MYO16: variants seen among roughly 807,000 people sequenced by gnomAD.
MYO16 encodes myosin XVI.
Under a neutral mutation model 205.3 loss-of-function variants are expected in MYO16, and 94 were observed. That is an observed-to-expected ratio of 0.46 (90% CI 0.39 to 0.54). The LOEUF (loss-of-function observed/expected upper bound fraction) is 0.54. MYO16 is among the 20% of genes least tolerant of loss of function. The pLI is 0.00. For missense variants in MYO16, 2,315 were observed against 2,387.5 expected (o/e 0.97, Z 0.63); for synonymous variants, 988 against 954.0 (o/e 1.04, Z -0.66).
At chr13:108,590,832 C>T in the MYO16 span, among the ~76,000 whole-genome samples, 2 of 152,240 alleles carry the variant, frequency 1.3e-5, no homozygotes, top group Admixed American at 1.3e-4. Flanking sequence ...TCCTTACAGC[C>T]TTCAGAAGGA....
chr13:108,615,572 A>G (rs981332880), intron 1 of MYO16, among the ~76,000 whole-genome samples: 1 of 152,166 alleles, frequency 6.6e-6, no homozygotes, highest in African/African-American at 2.4e-5. Context: ...TACTGAAAGA[A>G]ACAAACAAAA....
At chr13:109,098,578 C>G (rs9559495) in intron 27 of MYO16, among the ~76,000 whole-genome samples, 76,455 of 151,970 alleles carry the variant, frequency 0.5, 19,301 homozygotes, top group Middle Eastern at 0.55. Context: ...TCCTGTTGAC[C>G]AATACCGGCT....
At chr13:108,723,852 T>A (rs970394373) in intron 3 of MYO16, among the ~76,000 whole-genome samples, 19 of 151,196 alleles carry the variant, frequency 1.3e-4, no homozygotes, top group African/African-American at 4.4e-4. Context: ...TCAATATCTA[T>A]AAAAAAAAAC....
intron 33 of MYO16, among the ~76,000 whole-genome samples, chr13:109,170,096 A>T (rs1391273273): frequency 6.6e-6 from 1 of 150,648 alleles, no homozygotes; most frequent in Non-Finnish European, 1.5e-5. Context: ...GGGCTTGTTA[A>T]GCAAGACACA....
chr13:109,022,705 TTATATATACGCATATAAACATATG>T (rs1886116630), intron 23 of MYO16, among the ~76,000 whole-genome samples: 1 of 103,128 alleles, frequency 9.7e-6, no homozygotes, highest in African/African-American at 3.4e-5. Flanking sequence ...TATTTATATA[TTATATATACGCATATAAACATATG>T]TATATATTAT....
intron 9 of MYO16, among the ~76,000 whole-genome samples, chr13:108,840,673 G>A (rs1877197206): frequency 6.6e-6 from 1 of 152,136 alleles, no homozygotes; most frequent in Non-Finnish European, 1.5e-5. Flanking sequence ...GAGTAGCTGG[G>A]ACTACAGGCA....
At position 108,898,095 on chromosome 13, in the gene MYO16, A is replaced by T; in HGVS notation, c.1739A>T (p.Glu580Val). 1 of 1,613,870 alleles carries T rather than the reference A, an allele frequency of 6.2e-7. No homozygotes were observed. The highest frequency in any genetic ancestry group is 8.5e-7 in the Non-Finnish European group (1 of 1,179,766). ...TCCAGTTGCTTCATCAAGTATTTTG[A>T]ACTGCAGTTCTGTGAGAGGAAACAA... ...DLSSCFIKYF[E>V]LQFCERKQQL... is the part of the protein sequence containing the mutation. Residue 580 changes from glutamate to valine, a missense_variant, in exon 15 of 35, where the codon GAA becomes GTA. Around this residue, in one of 3 missense-constraint regions of MYO16, gnomAD observed 1,213 missense variants for 1,274.4 expected, o/e 0.95. Coordinates refer to ENST00000457511, the MANE Select transcript of MYO16 (RefSeq NM_001198950.3).
chr13:108,774,113 AAAAT>A (rs1886055035), intron 4 of MYO16, among the ~76,000 whole-genome samples: 1 of 102,232 alleles, frequency 9.8e-6, no homozygotes, highest in Admixed American at 9.8e-5. Context: ...AAATAACAAT[AAAAT>A]AAAATAAAAT....
chr13:108,910,185 G>A, intron 16 of MYO16, 35 bp downstream of exon 16: 1 of 1,587,382 alleles, frequency 6.3e-7, no homozygotes, highest in Middle Eastern at 1.7e-4. Context: ...TAAAAGCTAT[G>A]CCTTCAAATT....
intron 33 of MYO16, chr13:109,167,288 T>C (rs1395811895): frequency 2.0e-5 from 3 of 151,956 alleles, no homozygotes; most frequent in African/African-American, 7.3e-5. Flanking sequence ...CAGGCTGAAC[T>C]AGCACATGGA....
In MYO16 at chr13:109,140,705, G is replaced by C. The variant is rs1877022949; in HGVS notation, c.4493G>C (p.Cys1498Ser). Residue 1498 changes from cysteine (C) to serine (S), a missense_variant, in exon 32 of 35, where the codon TGC (cysteine) becomes TCC (serine). By Grantham distance (112) the Cys-to-Ser change is moderately radical. Transcript: ENST00000457511. This position sits in a 1 kb window ranked among gnomAD's most constrained non-coding sequence, Gnocchi z 8.0. ...DEAAGPPGDA[C>S]DIPPPFPNLL... ...GCGGCGGGGCCCCCAGGGGACGCGT[G>C]CGACATCCCGCCGCCCTTCCCCAAC... 1 of 1,487,780 alleles carries C rather than the reference G, an allele frequency of 6.7e-7. No homozygotes were observed. Among genetic ancestry groups the C allele is most frequent in the Non-Finnish European group, 8.9e-7 (1 of 1,120,712 alleles). The allele number at this position is 1,487,780 out of a possible 1,614,324, so 92.2% of individuals were successfully genotyped here.
chr13:109,051,715 A>G (rs1566482175), intron 24 of MYO16, among the ~76,000 whole-genome samples: 1 of 152,190 alleles, frequency 6.6e-6, no homozygotes, highest in Non-Finnish European at 1.5e-5. Context: ...ACATGAAAAT[A>G]TATCATTTTG....
At chr13:109,009,128 A>G (rs1885507245) in intron 22 of MYO16, 79 bp downstream of exon 22, 1 of 1,220,362 alleles carries the variant, frequency 8.2e-7, no homozygotes, top group Admixed American at 2.8e-5. Flanking sequence ...TTCTTTCAGG[A>G]CGCCTTATTT....
intron 4 of MYO16, among the ~76,000 whole-genome samples, chr13:108,753,893 A>G (rs1307726217): frequency 6.6e-6 from 1 of 152,252 alleles, no homozygotes; most frequent in Non-Finnish European, 1.5e-5. Context: ...TACTTTGAGG[A>G]TTTGGCTGAT....
chr13:109,061,546 G>A (rs1268713199), intron 27 of MYO16, among the ~76,000 whole-genome samples: 1 of 152,118 alleles, frequency 6.6e-6, no homozygotes, highest in African/African-American at 2.4e-5. Flanking sequence ...AGAGAGAGGT[G>A]GGGGAACACT....
chr13:108,997,387 AG>A (rs1885059484), intron 21 of MYO16, among the ~76,000 whole-genome samples: 1 of 101,714 alleles, frequency 9.8e-6, no homozygotes, highest in Non-Finnish European at 2.1e-5. Context: ...AGAGAGAGAG[AG>A]AGGGAGGGAG....
At position 108,964,749 on chromosome 13, in the gene MYO16, C is replaced by A; in HGVS notation, c.2228-12C>A. ...CTTGTGCTCACTCCTCCTTTTCTTT[C>A]TACCATTTTAGGGGATATGATAATA... is the stretch of plus-strand genomic sequence containing the variant. On this transcript the variant is annotated splice_polypyrimidine_tract_variant and intron_variant, in intron 19 of 34. Coordinates refer to ENST00000457511, the MANE Select transcript of MYO16 (RefSeq NM_001198950.3). The A allele has an allele frequency of 6.2e-7, 1 of 1,613,034 alleles. No individual in the cohort carries two copies.
chr13:108,848,835 A>G (rs1877660052), intron 10 of MYO16, among the ~76,000 whole-genome samples: 1 of 152,072 alleles, frequency 6.6e-6, no homozygotes, highest in Non-Finnish European at 1.5e-5. Context: ...AGTTAAGCAA[A>G]TTGTCTAGAA....
chr13:108,662,602 T>C (rs28628428), intron 1 of MYO16, among the ~76,000 whole-genome samples: 47,775 of 151,936 alleles, frequency 0.31, 7,884 homozygotes, highest in African/African-American at 0.41. Flanking sequence ...ACCTAAGGGC[T>C]GATCTCACTC....
Sources: gnomAD v4.1 joint callset for allele counts (sites outside exome capture counted in the v4.1 genomes callset) on GRCh38, gnomAD v4.1.1 for gene constraint, gnomAD v4.1.1 regional missense constraint, Gnocchi (gnomAD v3.1) non-coding constraint, MANE v1.5 for transcripts, NCBI Gene and HGNC (gene_info 2026-07-23, HGNC 2026-07-21) for gene names.